Variants in FCHSD2 observed in about 807,000 individuals in gnomAD.
FCHSD2 encodes F-BAR and double SH3 domains protein 2.
In FCHSD2, 38 loss-of-function variants were observed where a neutral mutation model predicts 108.1. That is an observed-to-expected ratio of 0.35 (90% CI 0.27 to 0.46). The LOEUF is 0.46. FCHSD2 is among the 20% of genes least tolerant of loss of function. The probability of loss-of-function intolerance (pLI) is 1.00; values close to 1 mark genes in which losing one functional copy is unlikely to be tolerated. For synonymous variants in FCHSD2, 279 were observed against 314.7 expected (o/e 0.89, Z 1.20); for missense variants, 751 against 897.8 (o/e 0.84, Z 2.09).
chr11:73,065,070 GC>G (rs1859259215), intron 3 of FCHSD2, among the ~76,000 whole-genome samples: 1 of 152,014 alleles, frequency 6.6e-6, no homozygotes, highest in Non-Finnish European at 1.5e-5. Context: ...AAAATTTAAG[GC>G]CAATATCCCT....
At chr11:72,871,636 C>A (rs1854860115) in intron 12 of FCHSD2, among the ~76,000 whole-genome samples, 1 of 152,090 alleles carries the variant, frequency 6.6e-6, no homozygotes, top group Admixed American at 6.6e-5. Context: ...CCAAGCTACT[C>A]AGGAGACTGA....
intron 2 of FCHSD2, among the ~76,000 whole-genome samples, chr11:73,107,299 C>T (rs549281553): frequency 8.5e-5 from 13 of 152,252 alleles, no homozygotes; most frequent in South Asian, 2.1e-4. Flanking sequence ...CTGCCCAGCT[C>T]GGCCTCCCAA....
chr11:73,014,560 C>T (rs1857929632), intron 4 of FCHSD2, among the ~76,000 whole-genome samples: 1 of 152,026 alleles, frequency 6.6e-6, no homozygotes, highest in South Asian at 2.1e-4. Context: ...ATCATATATC[C>T]TTCAGTTTTC....
intron 3 of FCHSD2, among the ~76,000 whole-genome samples, chr11:73,061,416 T>C (rs1187298380): frequency 1.3e-5 from 2 of 152,168 alleles, no homozygotes; most frequent in African/African-American, 4.8e-5. Context: ...GGAATTCTTT[T>C]TTTCCATACC....
chr11:72,987,070 C>T (rs972629874), intron 6 of FCHSD2, among the ~76,000 whole-genome samples: 2 of 152,176 alleles, frequency 1.3e-5, no homozygotes, highest in African/African-American at 4.8e-5. Context: ...GTTTCCCAGG[C>T]TCTTCAGAAT....
chr11:72,897,678 C>T (rs889917963), intron 10 of FCHSD2, among the ~76,000 whole-genome samples: 4 of 152,114 alleles, frequency 2.6e-5, no homozygotes, highest in African/African-American at 9.7e-5. Context: ...CACCCAAACC[C>T]ATGTTTTCTC....
intron 9 of FCHSD2, among the ~76,000 whole-genome samples, chr11:72,910,219 T>G (rs551202523): frequency 6.9e-6 from 1 of 145,262 alleles, no homozygotes; most frequent in East Asian, 2.1e-4. Flanking sequence ...TCTGCCTGGC[T>G]GCCCATCATC....
intron 8 of FCHSD2, among the ~76,000 whole-genome samples, chr11:72,942,868 T>G (rs977222795): frequency 1.3e-5 from 2 of 152,106 alleles, no homozygotes; most frequent in African/African-American, 4.8e-5. Context: ...AGCTTCAAAC[T>G]CTTGGACTTC....
chr11:73,058,608 T>C (rs1032026545), intron 3 of FCHSD2, among the ~76,000 whole-genome samples: 2 of 151,688 alleles, frequency 1.3e-5, no homozygotes, highest in African/African-American at 4.8e-5. Flanking sequence ...TTTTTTTTTT[T>C]TTTTTAAGAC....
intron 8 of FCHSD2, among the ~76,000 whole-genome samples, chr11:72,942,436 G>A (rs1278625273): frequency 6.6e-6 from 1 of 152,152 alleles, no homozygotes. Flanking sequence ...GCTAACACAG[G>A]CAGGAATAGC....
At chr11:72,998,699 GATA>G (rs1216273418) in intron 5 of FCHSD2, among the ~76,000 whole-genome samples, 1 of 152,128 alleles carries the variant, frequency 6.6e-6, no homozygotes, top group Non-Finnish European at 1.5e-5. Context: ...GGAAAAAATT[GATA>G]ATAAAAAATA....
chr11:73,036,979 A>C (rs1858513657), intron 3 of FCHSD2, among the ~76,000 whole-genome samples: 1 of 152,212 alleles, frequency 6.6e-6, no homozygotes, highest in South Asian at 2.1e-4. Flanking sequence ...CATCTTTGCA[A>C]ATGTCTTCAC....
At chr11:73,097,072 A>AGCT (rs1296142244) in intron 2 of FCHSD2, among the ~76,000 whole-genome samples, 21 of 128,812 alleles carry the variant, frequency 1.6e-4, no homozygotes, top group Non-Finnish European at 2.5e-4. Context: ...GCACAATCTC[A>AGCT]GCTCACTGCA....
intron 8 of FCHSD2, among the ~76,000 whole-genome samples, chr11:72,958,995 G>C (rs1437504889): frequency 5.2e-5 from 1 of 19,372 alleles, no homozygotes; most frequent in African/African-American, 9.8e-5. Flanking sequence ...AGTAAGATAT[G>C]TGTGTGTGTG....
At chr11:72,920,311 A>G (rs1420194551) in intron 9 of FCHSD2, among the ~76,000 whole-genome samples, 1 of 152,216 alleles carries the variant, frequency 6.6e-6, no homozygotes, top group Non-Finnish European at 1.5e-5. Context: ...TATGACATCA[A>G]ATCTGATAAA....
rs557700115 is a variant in FCHSD2 at position 73,054,147 on chromosome 11, A to G, written c.165+29548T>C. Among the ~76,000 whole-genome samples the G allele has an allele frequency of 1.5e-4, 23 of 152,234 alleles. No individual in the cohort carries two copies. In the South Asian group the frequency reaches 4.4e-3, roughly 29 times the overall value. On this transcript the variant is annotated intron_variant, in intron 3 of 19. Transcript: ENST00000409418. ...TGTCTATGGCTGCTTACACTCTACAACAGCAATGTTGGGAAATTTGACAGA... is the reference window on the plus strand; with the variant it reads ...TGTCTATGGCTGCTTACACTCTACAGCAGCAATGTTGGGAAATTTGACAGA...
chr11:72,838,724 A>T lies in FCHSD2; in HGVS notation c.*67T>A. 7.2e-7 allele frequency: 1 copy of T among 1,397,142 alleles called. No individual in the cohort carries two copies. Among genetic ancestry groups the T allele is most frequent in the Admixed American group, 2.0e-5 (1 of 50,870 alleles). The allele number at this position is 1,397,142 out of a possible 1,614,324, so 86.5% of individuals were successfully genotyped here. On this transcript the variant is annotated 3_prime_UTR_variant, in exon 20 of 20. Transcript: ENST00000409418. ...GTCATCATCATGCAAAGGTGCCTAA[A>T]AAACAAGACTGGCCAAACTCCAAGC... is the stretch of plus-strand genomic sequence containing the variant.
chr11:72,955,367 G>A (rs535255634), intron 8 of FCHSD2, among the ~76,000 whole-genome samples: 6 of 152,156 alleles, frequency 3.9e-5, no homozygotes, highest in Non-Finnish European at 8.8e-5. Context: ...ATGGAAGAAG[G>A]CATGTGAGGC....
chr11:73,057,827 G>A (rs1310736962), intron 3 of FCHSD2, among the ~76,000 whole-genome samples: 1 of 151,758 alleles, frequency 6.6e-6, no homozygotes, highest in Non-Finnish European at 1.5e-5. Flanking sequence ...GTTCTTGAGG[G>A]ATCTAAGAGG....
Sources: gnomAD v4.1 joint callset for allele counts (sites outside exome capture counted in the v4.1 genomes callset) on GRCh38, gnomAD v4.1.1 for gene constraint, MANE v1.5 for transcripts, NCBI Gene and HGNC (gene_info 2026-07-23, HGNC 2026-07-21) for gene names.